Variants in USP36 observed in about 807,000 individuals in gnomAD.
The protein encoded by USP36 is ubiquitin specific peptidase 36.
In USP36, 59 loss-of-function variants were observed where a neutral mutation model predicts 111.5. The observed-to-expected ratio is 0.53, with a 90% confidence interval of 0.43 to 0.66. USP36 has a LOEUF of 0.66. USP36 is among the 30% of genes least tolerant of loss of function. The probability of loss-of-function intolerance (pLI) is 0.00; values close to 1 mark genes in which losing one functional copy is unlikely to be tolerated. For synonymous variants in USP36, 628 were observed against 581.0 expected, an observed-to-expected ratio of 1.08 and a Z score of -1.16; for missense variants, 1,488 against 1,468.0, an observed-to-expected ratio of 1.01 and a Z score of -0.22.
Position 78,803,612 on chromosome 17 carries a change from C to T in USP36, c.2583G>A (p.Gln861=). The change falls in exon 16 of 21, where the codon CAG becomes CAA. Residue 861 remains glutamine, a synonymous_variant. Coordinates refer to ENST00000449938, the MANE Select transcript of USP36 (RefSeq NM_001385174.1). This position sits in a 1 kb window ranked among gnomAD's most constrained non-coding sequence, Gnocchi z 4.6. ...CAGGCTGTCTCTGTGTCTGCCCCTC[C>T]TGCAGGGCGCTGGCAGCTGTGTCCT... is the stretch of plus-strand genomic sequence containing the variant. ...RPEDTAASAL[Q]EGQTQRQPGS... 6.2e-7 allele frequency: 1 copy of T among 1,612,262 alleles called. No homozygotes were observed. Among genetic ancestry groups the T allele is most frequent in the Non-Finnish European group, 8.5e-7 (1 of 1,179,494 alleles).
intron 16 of USP36, 142 bp from the exon 17 acceptor site, chr17:78,802,677 C>T: frequency 1.3e-6 from 1 of 795,324 alleles, no homozygotes; most frequent in Non-Finnish European, 2.0e-6. Flanking sequence ...ATTCTTCCCC[C>T]CACACGCATT....
Position 78,835,113 on chromosome 17 carries a change from C to T in USP36, c.475+167G>A, listed in dbSNP as rs147080650. Among the ~76,000 whole-genome samples the T allele has an allele frequency of 1.2e-3, 177 of 152,092 alleles. 1 individual carries two copies. Among genetic ancestry groups the T allele is most frequent in the African/African-American group, 4.2e-3 (172 of 41,434 alleles). On this transcript the variant is annotated intron_variant, in intron 4 of 20. Transcript: ENST00000449938. The stretch of plus-strand genomic sequence containing the variant: ...CCACCTGACCGATTCACCTTCATGG[C>T]CCATTCTGCAGCAGGCATGATTCAA...
intron 3 of USP36, 164 bp downstream of exon 3, chr17:78,835,947 C>T: frequency 9.9e-7 from 1 of 1,011,028 alleles, no homozygotes; most frequent in East Asian, 2.6e-5. Context: ...GCTACCAACC[C>T]TGTATCATTA....
intron 15 of USP36, among the ~76,000 whole-genome samples, chr17:78,805,604 C>A (rs1366911037): frequency 1.3e-5 from 2 of 152,222 alleles, no homozygotes; most frequent in African/African-American, 4.8e-5. Context: ...CCACTCGAGG[C>A]ACCTAAGAGA....
Position 78,797,646 on chromosome 17 carries a change from G to A in USP36, c.*254C>T, listed in dbSNP as rs3744801. The A allele has an allele frequency of 0.53, 81,229 of 152,144 alleles. 21,902 individuals are homozygous for A. The highest frequency in any genetic ancestry group is 0.58 in the Non-Finnish European group (39,623 of 68,032). 9.4% of individuals were successfully genotyped at this position (152,144 alleles called of 1,614,324 possible). Reference sequence around the variant, plus strand: ...TGGCAAAGATGTCCAGCAGGTGTGCGGCCACCTCTGCTCACACACACACTG... The same window carrying A: ...TGGCAAAGATGTCCAGCAGGTGTGCAGCCACCTCTGCTCACACACACACTG... On this transcript the variant is annotated 3_prime_UTR_variant, in exon 21 of 21. Transcript: ENST00000449938.
intron 13 of USP36, among the ~76,000 whole-genome samples, chr17:78,810,576 G>A (rs569786322): frequency 6.6e-6 from 1 of 152,026 alleles, no homozygotes; most frequent in South Asian, 2.1e-4. Context: ...CACAGTCCCA[G>A]GCCCAGGCTG....
chr17:78,806,152 T>A lies in USP36; in HGVS notation c.2216+4A>T, dbSNP rs753032774. The A allele has an allele frequency of 1.9e-6, 3 of 1,613,176 alleles. No individual in the cohort carries two copies. The highest frequency in any genetic ancestry group is 2.5e-6 in the Non-Finnish European group (3 of 1,179,830). ...CACCCAGAAGATCCCGGCCCAAAGC[T>A]TACCTGGCTCTATGGACGGGCCAAG... is the stretch of plus-strand genomic sequence containing the variant. On this transcript the variant is annotated splice_donor_region_variant and intron_variant, in intron 15 of 20. Transcript: ENST00000449938.
intron 4 of USP36, among the ~76,000 whole-genome samples, chr17:78,830,017 G>A (rs973054817): frequency 6.6e-6 from 1 of 152,232 alleles, no homozygotes; most frequent in African/African-American, 2.4e-5. Context: ...GGGATTACAG[G>A]CGTGAGCCAT....
rs763140376 is a variant in USP36, at chr17:78,813,790, G to A, written c.1248C>T (p.Tyr416=). 1.1e-5 allele frequency: 17 copies of A among 1,614,068 alleles called. No homozygotes were observed. Among genetic ancestry groups the A allele is most frequent in the African/African-American group, 8.0e-5 (6 of 75,030 alleles). ...TTTATTACCGCAGATAGAACAGCAC[G>A]TAGGCCTGCTGGTTCAGAACCACCT... ...NVKVVLNQQA[Y]VLFYLRIPGS... The change falls in exon 12 of 21, where the codon TAC becomes TAT. Residue 416 remains tyrosine (Y), a synonymous_variant. Transcript: ENST00000449938.
At chr17:78,789,162 AC>A (rs2093560861) in intron 3 of USP36, among the ~76,000 whole-genome samples, 1 of 130,880 alleles carries the variant, frequency 7.6e-6, no homozygotes, top group African/African-American at 2.9e-5. Flanking sequence ...GCGCCATTGC[AC>A]CCCAGCCTGG....
rs2094366768 is a variant in USP36 at position 78,822,987 on chromosome 17, G to A, written c.690-983C>T. On this transcript the variant is annotated intron_variant, in intron 6 of 20. Coordinates refer to ENST00000449938, the MANE Select transcript of USP36 (RefSeq NM_001385174.1). ...CGACTCCTCACTGGCACAAAGCGGG[G>A]CTGTTTCCAGGGCTCTCTCCACGTT... 4 of 396,740 alleles carry A rather than the reference G, an allele frequency of 1.0e-5. No homozygotes were observed. In the South Asian group the frequency reaches 5.6e-4, roughly 55 times the overall value. The allele number at this position is 396,740 out of a possible 1,614,324, so 24.6% of individuals were successfully genotyped here.
rs1341316830 is a variant in USP36 at position 78,821,920 on chromosome 17, C to A, written c.757+17G>T. ...CTAATCCTGGCAAGAAGCAGTAGAA[C>A]AAACGTCTCCACTTACCGCGTGATC... On this transcript the variant is annotated intron_variant, in intron 7 of 20. Transcript: ENST00000449938. 2 of 1,613,720 alleles carry A rather than the reference C, an allele frequency of 1.2e-6. No individual in the cohort carries two copies. Among genetic ancestry groups the A allele is most frequent in the Non-Finnish European group, 1.7e-6 (2 of 1,179,698 alleles).
At chr17:78,820,153 C>T in intron 8 of USP36, 141 bp from the exon 9 acceptor site, 1 of 738,344 alleles carries the variant, frequency 1.4e-6, no homozygotes, top group Non-Finnish European at 2.2e-6. Context: ...CCACTAGCTG[C>T]CAGATTGGGA....
intron 10 of USP36, among the ~76,000 whole-genome samples, chr17:78,815,796 A>C (rs115501663): frequency 3.3e-5 from 5 of 152,146 alleles, no homozygotes; most frequent in Admixed American, 2.6e-4. Flanking sequence ...ATATACATAC[A>C]TGCATACATA....
At chr17:78,821,420 A>ATATATAT (rs1192213715) in intron 7 of USP36, 6 of 34,560 alleles carry the variant, frequency 1.7e-4, no homozygotes, top group Non-Finnish European at 2.8e-4. Context: ...ATATATATAT[A>ATATATAT]TTTTTTTTTT....
At chr17:78,821,415 TATA>T (rs1415941331) in intron 7 of USP36, 52 of 56,976 alleles carry the variant, frequency 9.1e-4, no homozygotes, top group African/African-American at 3.5e-3. Context: ...TATATATATA[TATA>T]TATTTTTTTT....
chr17:78,821,101 C>G lies in USP36; in HGVS notation c.758-40G>C. The G allele has an allele frequency of 1.3e-6, 2 of 1,560,316 alleles. 1 individual carries two copies. Among genetic ancestry groups the G allele is most frequent in the South Asian group, 2.3e-5 (2 of 85,698 alleles). On this transcript the variant is annotated intron_variant, in intron 7 of 20. Transcript: ENST00000449938. ...AGGCAGTGGAGCAGGTGGGGCCTGG[C>G]AGAGGCACTCCCAGCTCCCAAGACC...
chr17:78,821,416 A>T lies in USP36; in HGVS notation c.758-355T>A, dbSNP rs1171635834. ...TATATATATATATATATATATATAT[A>T]TATATTTTTTTTTTTTTTTTTTTTT... On this transcript the variant is annotated intron_variant, in intron 7 of 20. Coordinates refer to ENST00000449938, the MANE Select transcript of USP36 (RefSeq NM_001385174.1). 2.8e-3 allele frequency: 147 copies of T among 51,738 alleles called. 2 individuals are homozygous for T. The highest frequency in any genetic ancestry group is 0.012 in the African/African-American group (123 of 10,060). The allele number at this position is 51,738 out of a possible 1,614,324, so 3.2% of individuals were successfully genotyped here.
At chr17:78,824,393 A>G (rs929082708) in intron 6 of USP36, among the ~76,000 whole-genome samples, 1 of 152,232 alleles carries the variant, frequency 6.6e-6, no homozygotes, top group African/African-American at 2.4e-5. Context: ...GCATTTCAAA[A>G]GGGCGTATGA....
Sources: allele counts gnomAD v4.1 joint callset (sites outside exome capture counted in the v4.1 genomes callset), GRCh38; gene constraint gnomAD v4.1.1; non-coding constraint Gnocchi (gnomAD v3.1); transcripts MANE v1.5; gene names NCBI Gene and HGNC (gene_info 2026-07-23, HGNC 2026-07-21).